CPPED1: variants seen among roughly 807,000 people sequenced by gnomAD.
CPPED1 encodes the protein calcineurin like phosphoesterase domain containing 1, also known as serine/threonine-protein phosphatase CPPED1.
In CPPED1, 28 loss-of-function variants were observed where a neutral mutation model predicts 28.0. The observed-to-expected ratio is 1.00, with a 90% confidence interval of 0.74 to 1.37. The LOEUF is 1.37. CPPED1 is among the 40% of genes most tolerant of loss of function. The pLI, the probability that CPPED1 is intolerant of heterozygous loss-of-function variation, is 0.00. For missense variants in CPPED1, 504 were observed against 416.5 expected, an observed-to-expected ratio of 1.21 and a Z score of -1.83; for synonymous variants, 198 against 180.2, an observed-to-expected ratio of 1.10 and a Z score of -0.79.
intron 2 of CPPED1, among the ~76,000 whole-genome samples, chr16:12,756,276 G>T (rs1257583244): frequency 6.6e-6 from 1 of 152,118 alleles, no homozygotes; most frequent in Non-Finnish European, 1.5e-5. Flanking sequence ...TCTTAAATAA[G>T]AGTCTCAAAC....
chr16:12,734,030 T>A (rs1165765771), intron 2 of CPPED1, among the ~76,000 whole-genome samples: 3 of 151,156 alleles, frequency 2.0e-5, no homozygotes, highest in African/African-American at 7.3e-5. Flanking sequence ...GACAATAATT[T>A]GTCTTTGTCT....
chr16:12,734,068 T>TG (rs2080213886), intron 2 of CPPED1, among the ~76,000 whole-genome samples: 1 of 119,932 alleles, frequency 8.3e-6, no homozygotes, highest in Non-Finnish European at 1.8e-5. Context: ...GTTTTTTTTT[T>TG]TTTTTTTTTT....
intron 2 of CPPED1, among the ~76,000 whole-genome samples, chr16:12,726,057 T>TA (rs1384710878): frequency 6.6e-6 from 1 of 152,104 alleles, no homozygotes; most frequent in African/African-American, 2.4e-5. Context: ...ATTTTTTTTT[T>TA]ATGAGATGAA....
chr16:12,767,544 G>A (rs974428449), intron 2 of CPPED1, among the ~76,000 whole-genome samples: 4 of 152,134 alleles, frequency 2.6e-5, no homozygotes, highest in African/African-American at 9.7e-5. Context: ...GCAGTCCCCA[G>A]AGCATCATCA....
At chr16:12,737,769 G>A (rs1383955668) in intron 2 of CPPED1, among the ~76,000 whole-genome samples, 6 of 152,198 alleles carry the variant, frequency 3.9e-5, no homozygotes, top group Non-Finnish European at 7.3e-5. Flanking sequence ...CTCTGAGGTC[G>A]CCAGAGTGGC....
chr16:12,671,106 C>T (rs1376977940), intron 3 of CPPED1, among the ~76,000 whole-genome samples: 2 of 152,164 alleles, frequency 1.3e-5, no homozygotes, highest in African/African-American at 4.8e-5. Flanking sequence ...CTGCCTTGGC[C>T]TCCCGAAGTG....
At chr16:12,791,391 G>C (rs1018907527) in intron 1 of CPPED1, among the ~76,000 whole-genome samples, 3 of 152,108 alleles carry the variant, frequency 2.0e-5, no homozygotes, top group African/African-American at 2.4e-5. Context: ...CAAAGGACAT[G>C]AGCTCATTCT....
At chr16:12,752,882 T>A (rs2080339317) in intron 2 of CPPED1, 1 of 148,294 alleles carries the variant, frequency 6.7e-6, no homozygotes, top group Non-Finnish European at 1.5e-5. Context: ...ATATAATATA[T>A]AATTACATAT....
intron 3 of CPPED1, among the ~76,000 whole-genome samples, chr16:12,668,899 A>C (rs2079839923): frequency 6.6e-6 from 1 of 152,260 alleles, no homozygotes; most frequent in Non-Finnish European, 1.5e-5. Flanking sequence ...AAAATGGTAC[A>C]GTTCTTTTGG....
rs1022363455 is a variant in CPPED1, at chr16:12,692,249, A to G, written c.715+12375T>C. On this transcript the variant is annotated intron_variant, in intron 3 of 3. Transcript: ENST00000381774. ...TGGTGGCACTTCACAGAGCCATCTCAGAGACAGGCTAACTTTAATTTGTCC... is the reference window on the plus strand; with the variant it reads ...TGGTGGCACTTCACAGAGCCATCTCGGAGACAGGCTAACTTTAATTTGTCC... Among the ~76,000 whole-genome samples the G allele has an allele frequency of 3.9e-5, 6 of 152,306 alleles. No individual in the cohort carries two copies. In the East Asian group the frequency reaches 1.2e-3, roughly 29 times the overall value.
chr16:12,777,078 C>G lies in CPPED1; in HGVS notation c.289+4107G>C, dbSNP rs913552112. The stretch of plus-strand genomic sequence containing the variant: ...AGACTAATACAAATACTAAAGCAGG[C>G]TTGCCTCCCTTTACAGAACAGAGGA... On this transcript the variant is annotated intron_variant, in intron 2 of 3. Coordinates refer to ENST00000381774, the MANE Select transcript of CPPED1 (RefSeq NM_018340.3). 4.6e-5 allele frequency among the ~76,000 whole-genome samples: 7 copies of G among 152,314 alleles called. No individual in the cohort carries two copies. The South Asian group carries it at 6.2e-4, about 14-fold the overall frequency.
At chr16:12,749,319 A>T in intron 2 of CPPED1, among the ~76,000 whole-genome samples, 1 of 152,228 alleles carries the variant, frequency 6.6e-6, no homozygotes, top group Non-Finnish European at 1.5e-5. Flanking sequence ...ATCTTCACCA[A>T]GAGTAGATTC....
At chr16:12,736,114 C>T (rs150935453) in intron 2 of CPPED1, among the ~76,000 whole-genome samples, 316 of 152,274 alleles carry the variant, frequency 2.1e-3, no homozygotes, top group African/African-American at 6.9e-3. Flanking sequence ...GGGCATGGGG[C>T]AGTCCTTATA....
At chr16:12,779,141 T>G (rs1452143254) in intron 2 of CPPED1, among the ~76,000 whole-genome samples, 3 of 152,192 alleles carry the variant, frequency 2.0e-5, no homozygotes, top group Admixed American at 6.5e-5. Flanking sequence ...ACATGTTATA[T>G]AATTCCAGTG....
intron 2 of CPPED1, among the ~76,000 whole-genome samples, chr16:12,759,636 T>C (rs940582656): frequency 3.4e-4 from 52 of 152,164 alleles, no homozygotes; most frequent in Middle Eastern, 3.2e-3. Context: ...TGGGAAGTGA[T>C]TGGATCATGG....
At chr16:12,767,247 G>A (rs1476717363) in intron 2 of CPPED1, among the ~76,000 whole-genome samples, 4 of 152,158 alleles carry the variant, frequency 2.6e-5, no homozygotes, top group African/African-American at 9.7e-5. Context: ...AGAACCAGGA[G>A]TGCCGATGTC....
intron 2 of CPPED1, among the ~76,000 whole-genome samples, chr16:12,774,341 G>T (rs780455166): frequency 6.6e-6 from 1 of 151,768 alleles, no homozygotes; most frequent in African/African-American, 2.4e-5. Flanking sequence ...GGTGGCAGGC[G>T]CCTGTAATCC....
At position 12,734,062 on chromosome 16, in the gene CPPED1, T is replaced by A. The variant is rs1344179718; in HGVS notation, c.290-29013A>T. Among the ~76,000 whole-genome samples the A allele has an allele frequency of 7.0e-3, 275 of 39,406 alleles. 6 individuals carry two copies. In the Admixed American group the frequency reaches 0.077, roughly 11 times the overall value. The allele number at this position is 39,406 out of a possible 152,430, so 25.9% of individuals were successfully genotyped here. ...GTCTCTGTTTTCAAATTACACGTTT[T>A]TTTTTTTTTTTTTTTTTTTTTTTTT... On this transcript the variant is annotated intron_variant, in intron 2 of 3. Coordinates refer to ENST00000381774, the MANE Select transcript of CPPED1 (RefSeq NM_018340.3).
In CPPED1 at chr16:12,695,431, G is replaced by C. The variant is rs937080186; in HGVS notation, c.715+9193C>G. Among the ~76,000 whole-genome samples the C allele has an allele frequency of 7.7e-5, 9 of 116,310 alleles. No individual in the cohort carries two copies. In the East Asian group the frequency reaches 1.1e-3, roughly 15 times the overall value. The allele number at this position is 116,310 out of a possible 152,430, so 76.3% of individuals were successfully genotyped here. On this transcript the variant is annotated intron_variant, in intron 3 of 3. Transcript: ENST00000381774. Reference sequence around the variant, plus strand: ...AGGTGCATACTATTATGCCTGGTTAGTTAAAAAAAAAATCCTTTTCGCAAA... The same window carrying C: ...AGGTGCATACTATTATGCCTGGTTACTTAAAAAAAAAATCCTTTTCGCAAA...
Sources: gnomAD v4.1 joint callset for allele counts (sites outside exome capture counted in the v4.1 genomes callset) on GRCh38, gnomAD v4.1.1 for gene constraint, MANE v1.5 for transcripts, NCBI Gene and HGNC (gene_info 2026-07-23, HGNC 2026-07-21) for gene names.